SUPT3H: variants seen among roughly 807,000 people sequenced by gnomAD.
The protein encoded by SUPT3H is transcription initiation protein SPT3 homolog.
Under a neutral mutation model 44.3 loss-of-function variants are expected in SUPT3H, and 44 were observed. That is an observed-to-expected ratio of 0.99 (90% CI 0.78 to 1.28). The LOEUF (loss-of-function observed/expected upper bound fraction) is 1.28, where lower values mean the gene tolerates loss of function less well. Among genes scored for constraint, SUPT3H ranks in the 50% most tolerant of loss-of-function variants. The probability of loss-of-function intolerance (pLI) is 0.00; values close to 1 mark genes in which losing one functional copy is unlikely to be tolerated. For synonymous variants in SUPT3H, 124 were observed against 125.6 expected, an observed-to-expected ratio of 0.99 and a Z score of 0.09; for missense variants, 380 against 387.1, an observed-to-expected ratio of 0.98 and a Z score of 0.15.
At chr6:45,036,115 C>T (rs556436052) in intron 3 of SUPT3H, among the ~76,000 whole-genome samples, 5 of 152,214 alleles carry the variant, frequency 3.3e-5, no homozygotes, top group Admixed American at 1.3e-4. Context: ...AAACAGATAA[C>T]GCCCATGTTG....
intron 2 of SUPT3H, among the ~76,000 whole-genome samples, chr6:45,318,612 A>G (rs991293180): frequency 8.5e-5 from 13 of 152,174 alleles, no homozygotes; most frequent in Non-Finnish European, 1.5e-4. Flanking sequence ...TTAATTTAAG[A>G]TATTATCACT....
intron 2 of SUPT3H, among the ~76,000 whole-genome samples, chr6:45,245,635 A>C (rs1463595642): frequency 6.6e-6 from 1 of 152,160 alleles, no homozygotes; most frequent in Non-Finnish European, 1.5e-5. Flanking sequence ...TGTAAAACTA[A>C]ATAATATTCC....
chr6:44,943,188 TA>T (rs75919416), intron 9 of SUPT3H, among the ~76,000 whole-genome samples: 1 of 151,918 alleles, frequency 6.6e-6, no homozygotes, highest in Non-Finnish European at 1.5e-5. Flanking sequence ...ATGGAAACTA[TA>T]AAAAATCAAA....
intron 10 of SUPT3H, among the ~76,000 whole-genome samples, chr6:44,923,895 T>C (rs1400850360): frequency 6.6e-6 from 1 of 152,104 alleles, no homozygotes; most frequent in East Asian, 1.9e-4. Flanking sequence ...AGACTCATGA[T>C]GTTATGCTTA....
At chr6:45,236,238 G>A (rs1769098517) in intron 2 of SUPT3H, among the ~76,000 whole-genome samples, 1 of 152,072 alleles carries the variant, frequency 6.6e-6, no homozygotes, top group South Asian at 2.1e-4. Context: ...CTCGGCAAGT[G>A]GAACCCAACG....
intron 2 of SUPT3H, among the ~76,000 whole-genome samples, chr6:45,140,056 G>A (rs937248059): frequency 2.0e-5 from 3 of 152,028 alleles, no homozygotes; most frequent in Admixed American, 6.5e-5. Context: ...ACCAGCCTCC[G>A]GAACTTCATG....
intron 2 of SUPT3H, among the ~76,000 whole-genome samples, chr6:45,302,983 C>T (rs536519234): frequency 6.6e-5 from 10 of 152,154 alleles, no homozygotes; most frequent in Admixed American, 2.6e-4. Flanking sequence ...TACTTACAGT[C>T]AACTGATCTT....
At chr6:44,913,742 G>T (rs1471424197) in intron 10 of SUPT3H, among the ~76,000 whole-genome samples, 1 of 152,124 alleles carries the variant, frequency 6.6e-6, no homozygotes, top group Admixed American at 6.5e-5. Context: ...CTAACAAATA[G>T]ATGCGTCTTA....
chr6:45,207,416 A>T (rs564550704), intron 2 of SUPT3H, among the ~76,000 whole-genome samples: 5 of 152,318 alleles, frequency 3.3e-5, no homozygotes, highest in African/African-American at 1.2e-4. Context: ...GGAGGATAAA[A>T]ACTGGAGATA....
intron 2 of SUPT3H, among the ~76,000 whole-genome samples, chr6:45,345,488 C>A (rs1322187418): frequency 6.6e-6 from 1 of 152,074 alleles, no homozygotes; most frequent in Admixed American, 6.5e-5. Flanking sequence ...AAATGATAAA[C>A]CAACGCTCAA....
intron 10 of SUPT3H, among the ~76,000 whole-genome samples, chr6:44,930,464 G>A (rs1442934434): frequency 6.6e-6 from 1 of 151,408 alleles, no homozygotes; most frequent in African/African-American, 2.4e-5. Flanking sequence ...TCAGGAGGCT[G>A]AGGTAGGGAG....
intron 2 of SUPT3H, among the ~76,000 whole-genome samples, chr6:45,154,557 G>C (rs960133706): frequency 1.3e-5 from 2 of 152,136 alleles, no homozygotes; most frequent in Non-Finnish European, 2.9e-5. Flanking sequence ...GATTACCTGA[G>C]GGAATTTATG....
intron 2 of SUPT3H, among the ~76,000 whole-genome samples, chr6:45,211,093 T>A (rs1764011270): frequency 6.6e-6 from 1 of 151,982 alleles, no homozygotes; most frequent in Non-Finnish European, 1.5e-5. Context: ...TACACTTCCA[T>A]TTTTTTTAAA....
chr6:45,365,443 T>G (rs1794970435), intron 1 of SUPT3H, 142 bp from the exon 2 acceptor site: 1 of 585,416 alleles, frequency 1.7e-6, no homozygotes. Context: ...CTGATTCACT[T>G]ATACTTAATG....
intron 1 of SUPT3H, among the ~76,000 whole-genome samples, chr6:45,376,782 A>AG (rs1172281872): frequency 6.6e-6 from 1 of 151,948 alleles, no homozygotes; most frequent in Non-Finnish European, 1.5e-5. Flanking sequence ...TTGCAGGGCG[A>AG]ATTTAATTCC....
chr6:45,017,582 G>A lies in SUPT3H; in HGVS notation c.274-2691C>T, dbSNP rs1359123595. On this transcript the variant is annotated intron_variant, in intron 4 of 10. Coordinates refer to ENST00000371459, the MANE Select transcript of SUPT3H (RefSeq NM_003599.4). The stretch of plus-strand genomic sequence containing the variant: ...TACATGTGGCTAGCCAGTTTTCCCA[G>A]CACCATTTATTAAATAGGGAATCCT... Among the ~76,000 whole-genome samples, 1,310 of 151,964 alleles carry A rather than the reference G, an allele frequency of 8.6e-3. 23 individuals are homozygous for A. The highest frequency in any genetic ancestry group is 0.03 in the African/African-American group (1,231 of 41,464).
intron 2 of SUPT3H, among the ~76,000 whole-genome samples, chr6:45,305,227 C>T (rs1199891184): frequency 2.0e-5 from 3 of 152,124 alleles, no homozygotes; most frequent in East Asian, 1.9e-4. Context: ...TCCATATTAC[C>T]GGAACATAAC....
intron 2 of SUPT3H, among the ~76,000 whole-genome samples, chr6:45,347,025 A>G (rs1333425871): frequency 6.6e-6 from 1 of 152,186 alleles, no homozygotes; most frequent in Non-Finnish European, 1.5e-5. Context: ...AATAACTTAC[A>G]TGGCTGAAAA....
At chr6:45,112,789 A>C (rs930385552) in intron 2 of SUPT3H, among the ~76,000 whole-genome samples, 8 of 152,352 alleles carry the variant, frequency 5.3e-5, no homozygotes, top group Admixed American at 3.9e-4. Context: ...CTCATAAAGC[A>C]TCTAGAAACC....
Sources: gnomAD v4.1 joint callset for allele counts (sites outside exome capture counted in the v4.1 genomes callset) on GRCh38, gnomAD v4.1.1 for gene constraint, MANE v1.5 for transcripts, NCBI Gene and HGNC (gene_info 2026-07-23, HGNC 2026-07-21) for gene names.